The following AKAP6 variants were observed in gnomAD, a reference collection of about 807,000 sequenced individuals.
AKAP6 encodes A-kinase anchoring protein 6.
In AKAP6, 58 loss-of-function variants were observed where a neutral mutation model predicts 188.5. The observed-to-expected ratio is 0.31, with a 90% CI of 0.25 to 0.38. The LOEUF (loss-of-function observed/expected upper bound fraction) is 0.38, where lower values mean the gene tolerates loss of function less well. Among genes scored for constraint, AKAP6 ranks in the 10% least tolerant of loss-of-function variants. The probability of loss-of-function intolerance (pLI) is 1.00; values close to 1 mark genes in which losing one functional copy is unlikely to be tolerated. For synonymous variants in AKAP6, 989 were observed against 998.6 expected, an observed-to-expected ratio of 0.99 and a Z score of 0.18; for missense variants, 2,710 against 2,740.0, an observed-to-expected ratio of 0.99 and a Z score of 0.24.
chr14:32,494,088 A>G (rs1880181501), intron 2 of AKAP6, among the ~76,000 whole-genome samples: 2 of 152,178 alleles, frequency 1.3e-5, no homozygotes, highest in Admixed American at 6.5e-5. Flanking sequence ...GACCATGGCT[A>G]TCCATTCACG....
chr14:32,470,852 G>A (rs564188580), intron 2 of AKAP6, among the ~76,000 whole-genome samples: 1 of 152,268 alleles, frequency 6.6e-6, no homozygotes, highest in South Asian at 2.1e-4. Context: ...TACTACAAGA[G>A]CAGTAACAGC....
chr14:32,704,817 A>G (rs1002263226), intron 9 of AKAP6, among the ~76,000 whole-genome samples: 3 of 152,230 alleles, frequency 2.0e-5, no homozygotes, highest in African/African-American at 7.2e-5. Context: ...GGTTATCATA[A>G]TTATAACCAC....
At chr14:32,756,035 T>G (rs930936522) in intron 11 of AKAP6, among the ~76,000 whole-genome samples, 1 of 152,194 alleles carries the variant, frequency 6.6e-6, no homozygotes, top group Non-Finnish European at 1.5e-5. Flanking sequence ...GAGTGTGACA[T>G]CTGGTAGGGT....
intron 2 of AKAP6, among the ~76,000 whole-genome samples, chr14:32,453,781 T>C (rs200991096): frequency 0.017 from 2,429 of 146,006 alleles, 32 homozygotes; most frequent in East Asian, 0.049. Flanking sequence ...GTATTTTTAG[T>C]AGAGACGGGG....
At chr14:32,333,392 C>G (rs1454972062) in intron 1 of AKAP6, among the ~76,000 whole-genome samples, 1 of 152,088 alleles carries the variant, frequency 6.6e-6, no homozygotes, top group East Asian at 1.9e-4. Flanking sequence ...TCCTATATGC[C>G]AGGCATTGTC....
At chr14:32,341,988 G>T (rs1463656639) in intron 1 of AKAP6, among the ~76,000 whole-genome samples, 1 of 152,104 alleles carries the variant, frequency 6.6e-6, no homozygotes, top group Admixed American at 6.5e-5. Context: ...CTCTATCCTG[G>T]GTGACAGAGC....
chr14:32,545,373 A>G lies in AKAP6; in HGVS notation c.720A>G (p.Leu240=), dbSNP rs1883147157. The G allele has an allele frequency of 1.9e-6, 3 of 1,614,204 alleles. No homozygotes were observed. Among genetic ancestry groups the G allele is most frequent in the Non-Finnish European group, 2.5e-6 (3 of 1,180,012 alleles). The change falls in exon 4 of 14, where the codon CTA becomes CTG. Residue 240 remains leucine (L), a synonymous_variant. Coordinates refer to ENST00000280979, the MANE Select transcript of AKAP6 (RefSeq NM_004274.5). The part of the protein sequence containing the change: ...YSPSEDLLSG[L]GDMTSSQVKT... ...CAAGTGAGGATTTGCTCAGTGGGCT[A>G]GGTGACATGACCTCTAGCCAAGTCA...
chr14:32,360,599 C>T (rs1040383901), intron 1 of AKAP6, among the ~76,000 whole-genome samples: 3 of 151,922 alleles, frequency 2.0e-5, no homozygotes, highest in Non-Finnish European at 2.9e-5. Context: ...TTTATTCAAT[C>T]GTTTATATCA....
chr14:32,734,908 C>T (rs1247121752), intron 10 of AKAP6, among the ~76,000 whole-genome samples: 1 of 152,024 alleles, frequency 6.6e-6, no homozygotes, highest in Non-Finnish European at 1.5e-5. Context: ...GGACTGCTTT[C>T]CACCAAAAAG....
Position 32,528,739 on chromosome 14 carries a change from G to A in AKAP6, c.325-6815G>A, listed in dbSNP as rs139239640. 6.9e-3 allele frequency among the ~76,000 whole-genome samples: 1,056 copies of A among 152,132 alleles called. 9 individuals carry two copies. Among genetic ancestry groups the A allele is most frequent in the African/African-American group, 0.024 (988 of 41,522 alleles). On this transcript the variant is annotated intron_variant, in intron 2 of 13. Coordinates refer to ENST00000280979, the MANE Select transcript of AKAP6 (RefSeq NM_004274.5). ...GTCCCCCAGGCTGGAGTGCAATGGC[G>A]TGATCTCGGCTCACTGCAACCTCTG...
At chr14:32,395,030 GGAA>G (rs1888833421) in intron 1 of AKAP6, among the ~76,000 whole-genome samples, 1 of 151,902 alleles carries the variant, frequency 6.6e-6, no homozygotes, top group Admixed American at 6.6e-5. Flanking sequence ...GTTAACTTCA[GGAA>G]TTAAGTAGTA....
intron 13 of AKAP6, among the ~76,000 whole-genome samples, chr14:32,829,211 T>A (rs1185570243): frequency 1.3e-5 from 2 of 152,228 alleles, no homozygotes; most frequent in Admixed American, 1.3e-4. Context: ...TGTACAAATA[T>A]AATTGAATCC....
In AKAP6 at chr14:32,492,355, T is replaced by TATATATATATATATATATATAG; in HGVS notation, c.325-43198_325-43197insTATATATATATATATATATAGA. On this transcript the variant is annotated intron_variant, in intron 2 of 13. Transcript: ENST00000280979. The stretch of plus-strand genomic sequence containing the variant: ...ACATTGTAATATATATATATATATA[T>TATATATATATATATATATATAG]AGAGAGAGAGAGAGAGAGAGAGAGA... 6.6e-3 allele frequency among the ~76,000 whole-genome samples: 545 copies of TATATATATATATATATATATAG among 82,486 alleles called. 8 individuals carry two copies. The highest frequency in any genetic ancestry group is 0.011 in the Non-Finnish European group (398 of 37,450). 54.1% of individuals were successfully genotyped at this position (82,486 alleles called of 152,430 possible). A position where few individuals can be genotyped will look rare whatever the true frequency, so the allele number is the denominator to read the frequency against.
chr14:32,705,432 A>G (rs1890774096), intron 9 of AKAP6, among the ~76,000 whole-genome samples: 1 of 152,110 alleles, frequency 6.6e-6, no homozygotes, highest in Admixed American at 6.6e-5. Context: ...ATAAAAAGAG[A>G]AGTGTGTTTA....
intron 5 of AKAP6, 52 bp downstream of exon 5, chr14:32,577,294 A>G: frequency 1.3e-6 from 2 of 1,577,786 alleles, no homozygotes; most frequent in South Asian, 1.2e-5. Flanking sequence ...ATTTTAATGT[A>G]CTGCTTGTTT....
intron 12 of AKAP6, among the ~76,000 whole-genome samples, chr14:32,806,254 A>C (rs140369477): frequency 6.6e-6 from 1 of 152,232 alleles, no homozygotes; most frequent in Non-Finnish European, 1.5e-5. Context: ...TAGTTATTCC[A>C]AACTATGTCT....
chr14:32,504,831 C>G (rs940401940), intron 2 of AKAP6, among the ~76,000 whole-genome samples: 1 of 152,114 alleles, frequency 6.6e-6, no homozygotes, highest in Non-Finnish European at 1.5e-5. Flanking sequence ...TGTTACATAC[C>G]CATTAGGGTA....
chr14:32,376,221 G>T (rs1888153217), intron 1 of AKAP6, among the ~76,000 whole-genome samples: 1 of 152,206 alleles, frequency 6.6e-6, no homozygotes, highest in African/African-American at 2.4e-5. Context: ...ATTTGACCTT[G>T]GGGCACCCCC....
At position 32,694,382 on chromosome 14, in the gene AKAP6, C is replaced by A. The variant is rs35990379; in HGVS notation, c.2880-1608C>A. ...TCTCAAAAAAAAAAACAAAAAAAAGCGTGGTCCATGGACCAGCAGTGTTGC... is the reference window on the plus strand; with the variant it reads ...TCTCAAAAAAAAAAACAAAAAAAAGAGTGGTCCATGGACCAGCAGTGTTGC... On this transcript the variant is annotated intron_variant, in intron 8 of 13. Transcript: ENST00000280979. 6.1e-5 allele frequency among the ~76,000 whole-genome samples: 9 copies of A among 147,028 alleles called. 1 individual carries two copies. Among genetic ancestry groups the A allele is most frequent in the Admixed American group, 6.8e-5 (1 of 14,750 alleles).
Sources: allele counts gnomAD v4.1 joint callset (sites outside exome capture counted in the v4.1 genomes callset), GRCh38; gene constraint gnomAD v4.1.1; transcripts MANE v1.5; gene names NCBI Gene and HGNC (gene_info 2026-07-23, HGNC 2026-07-21).